The following EYS variants were observed in gnomAD, a reference collection of about 807,000 sequenced individuals.
The protein encoded by EYS is EGF-like photoreceptor maintenance factor.
In EYS, 250 loss-of-function variants were observed where a neutral mutation model predicts 282.1. That is an observed-to-expected ratio of 0.89 (90% CI 0.80 to 0.98). EYS has a LOEUF of 0.98. Among genes scored for constraint, EYS ranks in the 50% least tolerant of loss-of-function variants. The pLI is 0.00. For synonymous variants in EYS, 1,355 were observed against 1,282.9 expected (o/e 1.06, Z -1.20); for missense variants, 4,016 against 3,709.0 (o/e 1.08, Z -2.15).
chr6:64,187,206 C>T (rs1764971898), intron 31 of EYS, among the ~76,000 whole-genome samples: 1 of 152,100 alleles, frequency 6.6e-6, no homozygotes, highest in Non-Finnish European at 1.5e-5. Context: ...TATCTCCCTT[C>T]TTATCTTTAA....
chr6:64,003,761 A>T (rs1472605472), intron 33 of EYS, among the ~76,000 whole-genome samples: 1 of 152,164 alleles, frequency 6.6e-6, no homozygotes, highest in African/African-American at 2.4e-5. Flanking sequence ...ACCCAGTAGG[A>T]GGTAATTGAA....
intron 29 of EYS, among the ~76,000 whole-genome samples, chr6:64,333,972 A>C (rs901411229): frequency 2.6e-5 from 4 of 152,220 alleles, no homozygotes; most frequent in African/African-American, 9.6e-5. Flanking sequence ...TACAAAATTC[A>C]GTGCAAATCC....
chr6:63,972,223 A>G (rs1216152760), intron 35 of EYS, among the ~76,000 whole-genome samples: 1 of 152,178 alleles, frequency 6.6e-6, no homozygotes, highest in East Asian at 1.9e-4. Context: ...GGGAGAAAGG[A>G]ACATGTGACA....
At position 65,192,864 on chromosome 6, in the gene EYS, G is replaced by A. The variant is rs527689448; in HGVS notation, c.2023+102999C>T. Among the ~76,000 whole-genome samples the A allele has an allele frequency of 2.4e-4, 37 of 151,822 alleles. 1 individual carries two copies. The highest frequency in any genetic ancestry group is 1.6e-3 in the Admixed American group (25 of 15,168). Reference sequence around the variant, plus strand: ...CATGCTTAGGAAGTGTAATGATCAAGTGAAGGTACTTAGGATGTCCATCAC... The same window carrying A: ...CATGCTTAGGAAGTGTAATGATCAAATGAAGGTACTTAGGATGTCCATCAC... On this transcript the variant is annotated intron_variant, in intron 12 of 42. Coordinates refer to ENST00000503581, the MANE Select transcript of EYS (RefSeq NM_001142800.2).
In EYS at chr6:65,140,471, A is replaced by C. The variant is rs573384383; in HGVS notation, c.2024-82744T>G. Reference sequence around the variant, plus strand: ...AACTTGAGGGGGAAGTTTAAAAAGTATTTAAAGAAATAATGGCAGAAAATG... The same window carrying C: ...AACTTGAGGGGGAAGTTTAAAAAGTCTTTAAAGAAATAATGGCAGAAAATG... On this transcript the variant is annotated intron_variant, in intron 12 of 42. Coordinates refer to ENST00000503581, the MANE Select transcript of EYS (RefSeq NM_001142800.2). 2.3e-3 allele frequency among the ~76,000 whole-genome samples: 353 copies of C among 152,146 alleles called. 1 individual carries two copies. Among genetic ancestry groups the C allele is most frequent in the Middle Eastern group, 0.01 (3 of 294 alleles).
intron 20 of EYS, 61 bp downstream of exon 20, chr6:64,822,588 TAA>T (rs764208101): frequency 1.7e-4 from 219 of 1,286,982 alleles, no homozygotes; most frequent in African/African-American, 2.3e-4. Flanking sequence ...CCCTTGATGT[TAA>T]GTCTTAAATA....
At chr6:64,916,718 G>A (rs542049516) in intron 15 of EYS, among the ~76,000 whole-genome samples, 2 of 152,124 alleles carry the variant, frequency 1.3e-5, no homozygotes, top group South Asian at 4.1e-4. Context: ...AGCACATACC[G>A]TGTGACTTTT....
At chr6:64,462,971 A>T (rs1426717725) in intron 26 of EYS, among the ~76,000 whole-genome samples, 1 of 137,730 alleles carries the variant, frequency 7.3e-6, no homozygotes, top group Non-Finnish European at 1.5e-5. Context: ...TTTGAGATGA[A>T]GTCTCGCTCT....
At chr6:65,344,959 A>G (rs1041637766) in intron 9 of EYS, among the ~76,000 whole-genome samples, 1 of 151,712 alleles carries the variant, frequency 6.6e-6, no homozygotes, top group African/African-American at 2.4e-5. Context: ...TTAGCAAAAT[A>G]TCTCTGGCTT....
At chr6:65,476,272 T>C (rs1765402228) in intron 5 of EYS, among the ~76,000 whole-genome samples, 1 of 152,142 alleles carries the variant, frequency 6.6e-6, no homozygotes, top group Non-Finnish European at 1.5e-5. Context: ...ATTTCAATTA[T>C]ACCCTGCTAT....
intron 5 of EYS, among the ~76,000 whole-genome samples, chr6:65,413,710 G>T (rs756729658): frequency 6.6e-6 from 1 of 151,978 alleles, no homozygotes; most frequent in African/African-American, 2.4e-5. Context: ...ACAAAAATTA[G>T]CCAGACATGG....
chr6:65,268,910 T>C (rs1216270301), intron 12 of EYS, among the ~76,000 whole-genome samples: 1 of 152,078 alleles, frequency 6.6e-6, no homozygotes, highest in African/African-American at 2.4e-5. Flanking sequence ...CTTTCAAAAA[T>C]GCAGTCAAAT....
At chr6:64,435,685 G>A (rs1774719403) in intron 28 of EYS, among the ~76,000 whole-genome samples, 1 of 151,750 alleles carries the variant, frequency 6.6e-6, no homozygotes, top group Non-Finnish European at 1.5e-5. Flanking sequence ...TTATCAGATT[G>A]GCAAACTGAT....
chr6:64,684,179 A>ATC (rs772054668), intron 22 of EYS, among the ~76,000 whole-genome samples: 7 of 152,206 alleles, frequency 4.6e-5, no homozygotes, highest in Non-Finnish European at 1.0e-4. Context: ...TATGAATGGT[A>ATC]TCTGACTTCC....
At chr6:63,894,135 CA>C (rs1217410542) in intron 35 of EYS, among the ~76,000 whole-genome samples, 1 of 152,170 alleles carries the variant, frequency 6.6e-6, no homozygotes, top group Admixed American at 6.5e-5. Flanking sequence ...AAAGAGCCCC[CA>C]CTTTTCCCTG....
chr6:64,832,418 G>C (rs909904731), intron 19 of EYS, among the ~76,000 whole-genome samples: 2 of 151,820 alleles, frequency 1.3e-5, no homozygotes, highest in African/African-American at 4.8e-5. Context: ...ACAGATAGTA[G>C]AATGGTGGTT....
intron 26 of EYS, among the ~76,000 whole-genome samples, chr6:64,468,872 A>G (rs1776013150): frequency 6.6e-6 from 1 of 152,178 alleles, no homozygotes; most frequent in African/African-American, 2.4e-5. Flanking sequence ...CGTGGTGTAT[A>G]CATATCATGC....
At chr6:63,938,664 C>T (rs115542292) in intron 35 of EYS, among the ~76,000 whole-genome samples, 438 of 152,282 alleles carry the variant, frequency 2.9e-3, no homozygotes, top group Middle Eastern at 0.01. Context: ...CAGTGTGTCA[C>T]GTATGATTTT....
At chr6:65,520,559 T>A (rs1324618784) in intron 2 of EYS, among the ~76,000 whole-genome samples, 1 of 152,036 alleles carries the variant, frequency 6.6e-6, no homozygotes, top group African/African-American at 2.4e-5. Flanking sequence ...ATTGCAGAGG[T>A]ACAATTATAT....
Sources: gnomAD v4.1 joint callset for allele counts (sites outside exome capture counted in the v4.1 genomes callset) on GRCh38, gnomAD v4.1.1 for gene constraint, MANE v1.5 for transcripts, NCBI Gene and HGNC (gene_info 2026-07-23, HGNC 2026-07-21) for gene names.